The following FAM98A variants were observed in gnomAD, a reference collection of about 807,000 sequenced individuals.
FAM98A encodes the protein protein FAM98A.
In FAM98A, 25 loss-of-function variants were observed where a neutral mutation model predicts 62.9. The ratio of observed to expected loss-of-function variants is 0.40; its 90% CI spans 0.29 to 0.56. The LOEUF (loss-of-function observed/expected upper bound fraction) is 0.56, where lower values mean the gene tolerates loss of function less well. Ranked by LOEUF, FAM98A falls within the 20% of genes least tolerant of loss-of-function variation. FAM98A has a pLI of 0.51. For synonymous variants in FAM98A, 252 were observed against 228.6 expected (o/e 1.10, Z -0.92); for missense variants, 653 against 640.7 (o/e 1.02, Z -0.21).
intron 1 of FAM98A, among the ~76,000 whole-genome samples, chr2:33,597,197 T>C (rs1572421333): frequency 6.6e-6 from 1 of 152,080 alleles, no homozygotes; most frequent in Admixed American, 6.6e-5. Context: ...AGGTAAGAGA[T>C]AAAAGATGAC....
At chr2:33,588,007 T>A in intron 4 of FAM98A, 1 of 287,792 alleles carries the variant, frequency 3.5e-6, no homozygotes, top group Non-Finnish European at 7.1e-6. Flanking sequence ...TTAAATTGAC[T>A]GTATCAAAGT....
chr2:33,595,389 C>A, intron 2 of FAM98A, 100 bp downstream of exon 2: 3 of 1,070,348 alleles, frequency 2.8e-6, no homozygotes, highest in South Asian at 2.0e-5. Flanking sequence ...TTTACATTTA[C>A]AAAAACTTGC....
chr2:33,586,734 C>G, intron 5 of FAM98A, 56 bp from the exon 6 acceptor site: 1 of 1,108,226 alleles, frequency 9.0e-7, no homozygotes, highest in Non-Finnish European at 1.4e-6. Flanking sequence ...TTCTCTGTCC[C>G]AAAAGGGCAA....
At position 33,585,116 on chromosome 2, in the gene FAM98A, G is replaced by T. The variant is rs1479597240; in HGVS notation, c.1217C>A (p.Pro406Gln). The T allele has an allele frequency of 1.2e-6, 2 of 1,613,960 alleles. No homozygotes were observed. The highest frequency in any genetic ancestry group is 1.7e-6 in the Non-Finnish European group (2 of 1,180,022). ...GCTGTGGCCACCATGATAGCCACCT[G>T]GCTGGAAACCTGAATCTCGATAACC... is the stretch of plus-strand genomic sequence containing the variant. ...DGGYRDSGFQ[P>Q]GGYHGGHSSG... Residue 406 changes from proline (P) to glutamine (Q), a missense_variant, in exon 8 of 8, where the codon CCA becomes CAA. Physicochemically the swap from Pro to Gln is moderately conservative, Grantham distance 76. Transcript: ENST00000238823.
At chr2:33,587,893 T>C (rs1404174933) in intron 4 of FAM98A, among the ~76,000 whole-genome samples, 4 of 151,326 alleles carry the variant, frequency 2.6e-5, no homozygotes, top group Admixed American at 6.6e-5. Flanking sequence ...ATTTTGTCAA[T>C]TGAAGCATGA....
chr2:33,592,984 C>G (rs1416209664), intron 2 of FAM98A, among the ~76,000 whole-genome samples: 1 of 152,188 alleles, frequency 6.6e-6, no homozygotes, highest in Non-Finnish European at 1.5e-5. Context: ...TCTAGCAAAT[C>G]CCACCCATCC....
Position 33,587,340 on chromosome 2 carries a change from A to G in FAM98A, c.523-20T>C, listed in dbSNP as rs763826856. 1.3e-6 allele frequency: 2 copies of G among 1,539,744 alleles called. No homozygotes were observed. The highest frequency in any genetic ancestry group is 2.2e-5 in the South Asian group (2 of 89,514). On this transcript the variant is annotated intron_variant, in intron 4 of 7. Coordinates refer to ENST00000238823, the MANE Select transcript of FAM98A (RefSeq NM_015475.5). ...CTTTAACTGACACAAAAACATAAAT[A>G]AATGAATAAAAACTCTAAAAGTAAA... is the stretch of plus-strand genomic sequence containing the variant.
chr2:33,591,996 C>T, intron 3 of FAM98A, 84 bp downstream of exon 3: 2 of 1,189,572 alleles, frequency 1.7e-6, no homozygotes, highest in Non-Finnish European at 1.2e-6. Context: ...ATGAAATAAA[C>T]AAACAAAAAA....
Position 33,585,606 on chromosome 2 carries a change from G to A in FAM98A, c.812C>T (p.Ala271Val), listed in dbSNP as rs1175605510. ...TAAAATCTTTGACAAGTCCTGCCTT[G>A]CAGCCAAAAGATGGGCAACAGAAAT... ...TTISVAHLLA[A>V]RQDLSKILRT... is the part of the protein sequence containing the mutation. The change falls in exon 7 of 8, where the codon GCA (alanine) becomes GTA (valine). Residue 271 changes from alanine (A) to valine (V), a missense_variant. By Grantham distance (64) the Ala-to-Val change is moderately conservative (BLOSUM62 0). Transcript: ENST00000238823. 8.7e-6 allele frequency: 14 copies of A among 1,614,144 alleles called. No individual in the cohort carries two copies. Among genetic ancestry groups the A allele is most frequent in the Non-Finnish European group, 1.2e-5 (14 of 1,180,024 alleles).
chr2:33,595,150 C>T (rs955174287), intron 2 of FAM98A, among the ~76,000 whole-genome samples: 2 of 152,134 alleles, frequency 1.3e-5, no homozygotes, highest in African/African-American at 2.4e-5. Flanking sequence ...AAAAATATCC[C>T]AGTATCTAGT....
At chr2:33,588,281 AC>A in intron 4 of FAM98A, 53 bp downstream of exon 4, 1 of 1,335,906 alleles carries the variant, frequency 7.5e-7, no homozygotes, top group South Asian at 1.3e-5. Flanking sequence ...TTCATTTCAA[AC>A]AAATGTAGGA....
chr2:33,588,064 T>C, intron 4 of FAM98A: 1 of 401,462 alleles, frequency 2.5e-6, no homozygotes, highest in Non-Finnish European at 4.8e-6. Context: ...TAATCCTTTT[T>C]ACATTATATC....
At chr2:33,597,056 T>C (rs1677830105) in intron 1 of FAM98A, among the ~76,000 whole-genome samples, 1 of 152,168 alleles carries the variant, frequency 6.6e-6, no homozygotes, top group Non-Finnish European at 1.5e-5. Flanking sequence ...TAGTCTGGCA[T>C]CTAGATTTAT....
At chr2:33,590,992 T>C (rs926152623) in intron 3 of FAM98A, among the ~76,000 whole-genome samples, 5 of 152,300 alleles carry the variant, frequency 3.3e-5, no homozygotes, top group African/African-American at 1.2e-4. Context: ...CTGAGTATAC[T>C]GCTATTGAAT....
intron 2 of FAM98A, 85 bp from the exon 3 acceptor site, chr2:33,592,299 T>A: frequency 9.0e-7 from 1 of 1,106,614 alleles, no homozygotes; most frequent in South Asian, 1.7e-5. Flanking sequence ...TTGAAATTGT[T>A]AATAGGATTT....
chr2:33,584,707 G>T lies in FAM98A; in HGVS notation c.*69C>A. 7.4e-7 allele frequency: 1 copy of T among 1,352,008 alleles called. No individual in the cohort carries two copies. Among genetic ancestry groups the T allele is most frequent in the African/African-American group, 1.5e-5 (1 of 68,722 alleles). The allele number at this position is 1,352,008 out of a possible 1,614,324, so 83.8% of individuals were successfully genotyped here. On this transcript the variant is annotated 3_prime_UTR_variant, in exon 8 of 8. Transcript: ENST00000238823. ...GGTCTCACATTAATTCAAAATAGGT[G>T]CTGAATTCAGGATTCTGAAACTAAG...
In FAM98A at chr2:33,585,169, A is replaced by G; in HGVS notation, c.1164T>C (p.Ser388=). ...KHQGGWTDGG[S]GGGGGYQDGG... is the part of the protein sequence containing the mutation. ...CATCTTGGTAGCCACCTCCTCCACC[A>G]CTCCCTCCATCTGTCCAGCCTCCTT... The change falls in exon 8 of 8, where the codon AGT becomes AGC. Residue 388 remains serine, a synonymous_variant. Coordinates refer to ENST00000238823, the MANE Select transcript of FAM98A (RefSeq NM_015475.5). The G allele has an allele frequency of 1.2e-6, 2 of 1,609,838 alleles. No homozygotes were observed. The highest frequency in any genetic ancestry group is 8.5e-7 in the Non-Finnish European group (1 of 1,178,836).
intron 5 of FAM98A, 86 bp from the exon 6 acceptor site, chr2:33,586,764 C>T (rs1435962349): frequency 1.3e-6 from 1 of 795,898 alleles, no homozygotes; most frequent in Non-Finnish European, 2.2e-6. Flanking sequence ...CTGTGTCATT[C>T]ATAACTGAGA....
chr2:33,587,502 C>T (rs918465833), intron 4 of FAM98A, 182 bp from the exon 5 acceptor site: 25 of 580,496 alleles, frequency 4.3e-5, no homozygotes, highest in South Asian at 4.0e-4. Flanking sequence ...CCACTCCTCA[C>T]GCCTACAGAA....
Sources: gnomAD v4.1 joint callset for allele counts (sites outside exome capture counted in the v4.1 genomes callset) on GRCh38, gnomAD v4.1.1 for gene constraint, MANE v1.5 for transcripts, NCBI Gene and HGNC (gene_info 2026-07-23, HGNC 2026-07-21) for gene names.